Variants in PRIM2 observed in about 807,000 individuals in gnomAD.
The protein encoded by PRIM2 is DNA primase large subunit.
In PRIM2, 39 loss-of-function variants were observed where a neutral mutation model predicts 67.3. The observed-to-expected ratio is 0.58, with a 90% CI of 0.45 to 0.76. PRIM2 has a LOEUF of 0.76. PRIM2 is among the 30% of genes least tolerant of loss of function. The probability of loss-of-function intolerance (pLI) is 0.00; values close to 1 mark genes in which losing one functional copy is unlikely to be tolerated. For synonymous variants in PRIM2, 143 were observed against 198.7 expected (o/e 0.72, Z 2.36); for missense variants, 398 against 598.7 (o/e 0.66, Z 3.50).
At chr6:57,235,877 A>G in the PRIM2 span, among the ~76,000 whole-genome samples, 1 of 152,156 alleles carries the variant, frequency 6.6e-6, no homozygotes, top group Non-Finnish European at 1.5e-5. Flanking sequence ...CAAGATGGAG[A>G]AGGGGGCTAC....
At chr6:57,290,894 A>G in the PRIM2 span, among the ~76,000 whole-genome samples, 1 of 152,234 alleles carries the variant, frequency 6.6e-6, no homozygotes, top group South Asian at 2.1e-4. Flanking sequence ...CACAAGAGAA[A>G]GCAGGAAAGA....
the PRIM2 span, among the ~76,000 whole-genome samples, chr6:57,262,790 CTCACAGA>C: frequency 6.6e-6 from 1 of 152,146 alleles, no homozygotes. Context: ...AACAAAACAA[CTCACAGA>C]GGTTCTGCAA....
At chr6:57,553,335 G>A (rs1475488970) in intron 10 of PRIM2, among the ~76,000 whole-genome samples, 1 of 151,890 alleles carries the variant, frequency 6.6e-6, no homozygotes, top group East Asian at 1.9e-4. Context: ...TTGGATATGA[G>A]TTTTATCACA....
chr6:57,286,421 TG>T, the PRIM2 span, among the ~76,000 whole-genome samples: 2 of 151,764 alleles, frequency 1.3e-5, no homozygotes, highest in African/African-American at 4.9e-5. Context: ...TATAGACAAA[TG>T]GAACAGAACA....
intron 13 of PRIM2, among the ~76,000 whole-genome samples, chr6:57,641,397 A>AT (rs1164885305): frequency 6.6e-6 from 1 of 152,208 alleles, no homozygotes; most frequent in Admixed American, 6.5e-5. Flanking sequence ...ATGAGATCTA[A>AT]TTAAACTAAA....
At chr6:57,263,864 T>A in the PRIM2 span, among the ~76,000 whole-genome samples, 2 of 152,214 alleles carry the variant, frequency 1.3e-5, no homozygotes, top group Non-Finnish European at 1.5e-5. Flanking sequence ...ACATGTCCCA[T>A]AATAGGTTTG....
At chr6:57,244,979 TTGATATGTGTGCAGA>T in the PRIM2 span, among the ~76,000 whole-genome samples, 1 of 152,170 alleles carries the variant, frequency 6.6e-6, no homozygotes, top group Non-Finnish European at 1.5e-5. Flanking sequence ...AGTGAGTTAG[TTGATATGTGTGCAGA>T]TGCCTCAGGT....
intron 8 of PRIM2, among the ~76,000 whole-genome samples, chr6:57,530,599 G>A (rs1774866301): frequency 1.3e-5 from 2 of 152,242 alleles, no homozygotes; most frequent in South Asian, 4.1e-4. Context: ...TTGGGGGGTG[G>A]CATCTTCTGG....
rs1426779195 is a variant in PRIM2 at position 57,577,092 on chromosome 6, A to T, written c.1021-24001A>T. Among the ~76,000 whole-genome samples, 6 of 152,344 alleles carry T rather than the reference A, an allele frequency of 3.9e-5. No homozygotes were observed. In the South Asian group the frequency reaches 1.2e-3, roughly 32 times the overall value. Reference sequence around the variant, plus strand: ...TATTTTAAGCAAATTAAAAATTGCCACTAGATTCTGAATATAGCCTCTGCT... The same window carrying T: ...TATTTTAAGCAAATTAAAAATTGCCTCTAGATTCTGAATATAGCCTCTGCT... On this transcript the variant is annotated intron_variant, in intron 10 of 13. Transcript: ENST00000615550.
chr6:57,224,962 G>T, the PRIM2 span, among the ~76,000 whole-genome samples: 1 of 152,190 alleles, frequency 6.6e-6, no homozygotes, highest in Non-Finnish European at 1.5e-5. Flanking sequence ...CTAGGAGGAG[G>T]AGATTCCTAT....
intron 8 of PRIM2, among the ~76,000 whole-genome samples, chr6:57,522,105 A>G (rs1774637809): frequency 6.6e-6 from 1 of 151,990 alleles, no homozygotes; most frequent in South Asian, 2.1e-4. Context: ...ATCAGAATTC[A>G]AGATTGCTTC....
the PRIM2 span, among the ~76,000 whole-genome samples, chr6:57,224,724 A>G: frequency 6.6e-6 from 1 of 152,132 alleles, no homozygotes; most frequent in East Asian, 1.9e-4. Context: ...GGGTTCCCCC[A>G]AAATCATTTC....
chr6:57,531,099 T>C (rs1774879257), intron 8 of PRIM2, among the ~76,000 whole-genome samples: 1 of 152,216 alleles, frequency 6.6e-6, no homozygotes, highest in African/African-American at 2.4e-5. Context: ...GTATATGTGG[T>C]TCAGCAGGTA....
At chr6:57,504,990 A>G (rs1554347169) in intron 7 of PRIM2, among the ~76,000 whole-genome samples, 2 of 152,256 alleles carry the variant, frequency 1.3e-5, no homozygotes, top group Non-Finnish European at 2.9e-5. Context: ...CTAGGGATGC[A>G]GTTACCACTC....
intron 7 of PRIM2, among the ~76,000 whole-genome samples, chr6:57,458,346 A>T (rs1772879319): frequency 6.6e-6 from 1 of 152,220 alleles, no homozygotes; most frequent in Non-Finnish European, 1.5e-5. Flanking sequence ...AGAGGACATT[A>T]ATGAGATAAG....
chr6:57,577,969 C>G (rs1364278418), intron 10 of PRIM2, among the ~76,000 whole-genome samples: 1 of 152,176 alleles, frequency 6.6e-6, no homozygotes, highest in Non-Finnish European at 1.5e-5. Flanking sequence ...CAAGACTCCA[C>G]GTTGCATTTA....
chr6:57,389,216 T>TGG (rs1770249425), intron 7 of PRIM2, among the ~76,000 whole-genome samples: 1 of 152,208 alleles, frequency 6.6e-6, no homozygotes, highest in Non-Finnish European at 1.5e-5. Context: ...GCAGTCCGCC[T>TGG]GCCTTAGCCT....
At chr6:57,454,803 T>G (rs1772701699) in intron 7 of PRIM2, among the ~76,000 whole-genome samples, 1 of 152,360 alleles carries the variant, frequency 6.6e-6, no homozygotes, top group African/African-American at 2.4e-5. Flanking sequence ...TGTTCTGATC[T>G]TAATTATTTC....
At chr6:57,304,419 T>C in the PRIM2 span, among the ~76,000 whole-genome samples, 1 of 152,144 alleles carries the variant, frequency 6.6e-6, no homozygotes, top group Admixed American at 6.5e-5. Flanking sequence ...ATAAAAAAGA[T>C]TGGATTAACT....
Sources: allele counts gnomAD v4.1 joint callset (sites outside exome capture counted in the v4.1 genomes callset), GRCh38; gene constraint gnomAD v4.1.1; transcripts MANE v1.5; gene names NCBI Gene and HGNC (gene_info 2026-07-23, HGNC 2026-07-21).